TENM1: variants seen among roughly 807,000 people sequenced by gnomAD.
The protein encoded by TENM1 is teneurin-1.
A neutral mutation model predicts 174.8 loss-of-function variants in TENM1; 35 were observed. The observed-to-expected ratio is 0.20, with a 90% CI of 0.15 to 0.27. The LOEUF (loss-of-function observed/expected upper bound fraction) is 0.27, where lower values mean the gene tolerates loss of function less well. TENM1 is among the 10% of genes least tolerant of loss of function. TENM1 has a pLI of 1.00. For synonymous variants in TENM1, 781 were observed against 798.7 expected (o/e 0.98, Z 0.37); for missense variants, 1,633 against 2,130.1 (o/e 0.77, Z 4.59).
intron 1 of TENM1, among the ~76,000 whole-genome samples, chrX:124,908,051 G>A (rs998534054): frequency 3.6e-5 from 4 of 111,964 alleles, no homozygotes; most frequent in Non-Finnish European, 5.6e-5. Flanking sequence ...TTCAAAGCAC[G>A]CATTCCCTAG....
intron 1 of TENM1, among the ~76,000 whole-genome samples, chrX:124,909,328 T>C (rs2057799648): frequency 8.9e-6 from 1 of 112,004 alleles, no homozygotes; most frequent in African/African-American, 3.2e-5. Context: ...CACAGCTTAG[T>C]CCTCATTTGT....
chrX:124,711,671 A>T lies in TENM1; in HGVS notation c.777-6420T>A, dbSNP rs1267630743. ...CATAGTAGAATTTAGGTATTTTTTTAAAAAAACAAATTATAAAATGAATTT... is the reference window on the plus strand; with the variant it reads ...CATAGTAGAATTTAGGTATTTTTTTTAAAAAACAAATTATAAAATGAATTT... On this transcript the variant is annotated intron_variant, in intron 4 of 31. Transcript: ENST00000422452. 3.6e-5 allele frequency among the ~76,000 whole-genome samples: 4 copies of T among 111,536 alleles called. No individual in the cohort carries two copies. The East Asian group carries it at 8.4e-4, about 23-fold the overall frequency.
chrX:124,425,995 G>GGGGT (rs1332618036), intron 23 of TENM1, among the ~76,000 whole-genome samples: 3 of 88,006 alleles, frequency 3.4e-5, no homozygotes, highest in African/African-American at 1.2e-4. Context: ...CAAAAGGACT[G>GGGGT]GTGTGTGTGT....
At chrX:124,635,668 G>A (rs1345281270) in intron 11 of TENM1, among the ~76,000 whole-genome samples, 1 of 112,350 alleles carries the variant, frequency 8.9e-6, no homozygotes, top group Non-Finnish European at 1.9e-5. Flanking sequence ...GTAGTACAAA[G>A]TTCTAAACTG....
chrX:125,122,604 C>T, the TENM1 span, among the ~76,000 whole-genome samples: 1 of 111,609 alleles, frequency 9.0e-6, no homozygotes, highest in Non-Finnish European at 1.9e-5. Context: ...GATACCTACT[C>T]ATTGCCAGGC....
chrX:124,848,609 G>A lies in TENM1; in HGVS notation c.535+45687C>T, dbSNP rs978871815. ...CTTTGACCCATCAATTCCATTTCTA[G>A]GGAATCTATTACTGCAGGATAATTC... On this transcript the variant is annotated intron_variant, in intron 3 of 31. Coordinates refer to ENST00000422452, the Ensembl canonical transcript of TENM1. Among the ~76,000 whole-genome samples, 6 of 110,669 alleles carry A rather than the reference G, an allele frequency of 5.4e-5. No homozygotes were observed. The South Asian group carries it at 1.1e-3, about 21-fold the overall frequency.
chrX:124,939,012 G>C (rs2058286487), intron 1 of TENM1, among the ~76,000 whole-genome samples: 1 of 111,760 alleles, frequency 8.9e-6, no homozygotes, highest in African/African-American at 3.3e-5. Context: ...CTTAAAAAGG[G>C]AGGCGGGGAG....
At chrX:124,427,156 G>C (rs2060728263) in intron 23 of TENM1, among the ~76,000 whole-genome samples, 1 of 112,190 alleles carries the variant, frequency 8.9e-6, no homozygotes, top group South Asian at 3.7e-4. Context: ...AAACCTGGCA[G>C]AAATGACGTT....
intron 3 of TENM1, among the ~76,000 whole-genome samples, chrX:124,872,184 G>A (rs1430093706): frequency 9.0e-6 from 1 of 110,501 alleles, no homozygotes; most frequent in Non-Finnish European, 1.9e-5. Context: ...CATGGAATGG[G>A]ATATGACCTT....
At chrX:125,018,275 T>C in the TENM1 span, among the ~76,000 whole-genome samples, 1 of 111,633 alleles carries the variant, frequency 9.0e-6, no homozygotes, top group Non-Finnish European at 1.9e-5. Context: ...AACAAATAGG[T>C]TCATGGAGCT....
chrX:124,447,388 C>A (rs57834485), intron 23 of TENM1, among the ~76,000 whole-genome samples: 1 of 111,456 alleles, frequency 9.0e-6, no homozygotes, highest in South Asian at 3.9e-4. Context: ...TCCACCTGTG[C>A]CACATCTGGG....
chrX:125,192,715 G>A, the TENM1 span, among the ~76,000 whole-genome samples: 3 of 111,690 alleles, frequency 2.7e-5, no homozygotes, highest in Middle Eastern at 4.7e-3. Context: ...TTGAAAAATT[G>A]CACTGAGCAT....
At chrX:125,047,163 T>C in the TENM1 span, among the ~76,000 whole-genome samples, 4 of 111,494 alleles carry the variant, frequency 3.6e-5, no homozygotes, top group Admixed American at 2.9e-4. Flanking sequence ...TAGAAACAGT[T>C]TTTGGAATTA....
chrX:124,458,270 A>T (rs1287804156), intron 22 of TENM1, among the ~76,000 whole-genome samples: 2 of 112,190 alleles, frequency 1.8e-5, no homozygotes, highest in African/African-American at 6.5e-5. Context: ...GGGATCAGAA[A>T]GGCCCAAGTT....
chrX:125,164,350 G>C, the TENM1 span, among the ~76,000 whole-genome samples: 1 of 111,374 alleles, frequency 9.0e-6, no homozygotes, highest in Non-Finnish European at 1.9e-5. Context: ...ATTTACTCTT[G>C]CCTATCAAAT....
chrX:124,658,368 A>G (rs1602931158), intron 6 of TENM1, among the ~76,000 whole-genome samples: 1 of 111,868 alleles, frequency 8.9e-6, no homozygotes, highest in African/African-American at 3.2e-5. Context: ...CTTGGTAAAC[A>G]CTGCTTGGAT....
chrX:124,465,119 T>G lies in TENM1; in HGVS notation c.3950-11628A>C, dbSNP rs73548509. Among the ~76,000 whole-genome samples the G allele has an allele frequency of 4.7e-3, 534 of 112,432 alleles. 8 individuals carry two copies. Among genetic ancestry groups the G allele is most frequent in the African/African-American group, 0.017 (513 of 30,955 alleles). Reference sequence around the variant, plus strand: ...CCAGTCCTCAGGTTTTGCCTTTGTCTAATAGTGAGTAGAAAAGCTGAGCTG... The same window carrying G: ...CCAGTCCTCAGGTTTTGCCTTTGTCGAATAGTGAGTAGAAAAGCTGAGCTG... On this transcript the variant is annotated intron_variant, in intron 22 of 31. Coordinates refer to ENST00000422452, the Ensembl canonical transcript of TENM1.
chrX:124,758,930 A>T (rs770336834), intron 3 of TENM1, among the ~76,000 whole-genome samples: 5 of 111,799 alleles, frequency 4.5e-5, no homozygotes, highest in Admixed American at 3.8e-4. Context: ...ATTTTGCAAG[A>T]TGAAAAGGTT....
chrX:124,640,268 G>A (rs1221999555), intron 11 of TENM1, among the ~76,000 whole-genome samples: 1 of 111,285 alleles, frequency 9.0e-6, no homozygotes, highest in East Asian at 2.8e-4. Context: ...GTCTATGTGA[G>A]GCAACAAAAT....
Sources: allele counts gnomAD v4.1 joint callset (sites outside exome capture counted in the v4.1 genomes callset), GRCh38; gene constraint gnomAD v4.1.1; transcripts MANE v1.5; gene names NCBI Gene and HGNC (gene_info 2026-07-23, HGNC 2026-07-21).